Variants in ARFGEF3 observed in about 807,000 individuals in gnomAD.
The protein encoded by ARFGEF3 is ARFGEF family member 3.
ARFGEF3 carries 96 observed loss-of-function variants against 221.7 expected under a neutral mutation model. The ratio of observed to expected loss-of-function variants is 0.43; its 90% CI spans 0.37 to 0.51. ARFGEF3 has a LOEUF of 0.51. Among genes scored for constraint, ARFGEF3 ranks in the 20% least tolerant of loss-of-function variants. The pLI is 0.00. For missense variants in ARFGEF3, 2,410 were observed against 2,789.9 expected (o/e 0.86, Z 3.07); for synonymous variants, 1,145 against 1,126.8 (o/e 1.02, Z -0.32).
At chr6:138,246,535 A>G (rs1145973) in intron 8 of ARFGEF3, among the ~76,000 whole-genome samples, 149,427 of 152,342 alleles carry the variant, frequency 0.98, 73,296 homozygotes, top group East Asian at 1. Context: ...TTAAAGCTAA[A>G]CATGGAATTA....
intron 22 of ARFGEF3, among the ~76,000 whole-genome samples, chr6:138,302,561 A>T (rs563554105): frequency 2.0e-5 from 3 of 152,302 alleles, no homozygotes; most frequent in African/African-American, 7.2e-5. Flanking sequence ...CCCAATTAAG[A>T]TCAACACAAA....
intron 22 of ARFGEF3, among the ~76,000 whole-genome samples, chr6:138,303,367 A>G (rs907538221): frequency 6.6e-6 from 1 of 152,270 alleles, no homozygotes; most frequent in East Asian, 1.9e-4. Context: ...GAAAACATAT[A>G]GCAAATGCCA....
intron 5 of ARFGEF3, among the ~76,000 whole-genome samples, chr6:138,238,007 T>G (rs1449317512): frequency 2.6e-5 from 4 of 152,208 alleles, no homozygotes; most frequent in African/African-American, 9.6e-5. Context: ...CCATGCTACC[T>G]AGTAACACAG....
chr6:138,215,704 A>C (rs1384658506), intron 4 of ARFGEF3, among the ~76,000 whole-genome samples: 2 of 152,050 alleles, frequency 1.3e-5, no homozygotes, highest in Non-Finnish European at 2.9e-5. Flanking sequence ...GAGGGGTAAA[A>C]CTAGGAGTGG....
intron 2 of ARFGEF3, among the ~76,000 whole-genome samples, chr6:138,196,830 T>TTTTA (rs1448399378): frequency 1.3e-5 from 2 of 152,146 alleles, no homozygotes; most frequent in Non-Finnish European, 1.5e-5. Flanking sequence ...TTCTTTTTCT[T>TTTTA]TTTATTTATT....
At chr6:138,301,661 T>C (rs1184283270) in intron 22 of ARFGEF3, among the ~76,000 whole-genome samples, 1 of 152,190 alleles carries the variant, frequency 6.6e-6, no homozygotes, top group African/African-American at 2.4e-5. Context: ...CCTGGATGAC[T>C]GAAACATGGG....
At chr6:138,276,475 A>G (rs918406389) in intron 12 of ARFGEF3, among the ~76,000 whole-genome samples, 6 of 152,190 alleles carry the variant, frequency 3.9e-5, no homozygotes, top group African/African-American at 1.4e-4. Flanking sequence ...TCAAAATGAA[A>G]ACTTTAGTAA....
At position 138,291,897 on chromosome 6, in the gene ARFGEF3, G is replaced by C; in HGVS notation, c.3212G>C (p.Arg1071Pro). The change falls in exon 19 of 34, where the codon CGC becomes CCC. Residue 1071 changes from arginine (R) to proline (P), a missense_variant. Coordinates refer to ENST00000251691, the MANE Select transcript of ARFGEF3 (RefSeq NM_020340.5). This position sits in a 1 kb window ranked among gnomAD's most constrained non-coding sequence, Gnocchi z 4.5. Reference protein sequence around the residue: ...SPPEHSPEQGRSLSTAPVVQP... With the variant: ...SPPEHSPEQGPSLSTAPVVQP... ...CCCGAGCACAGCCCGGAGCAGGGGCGCTCCCTGAGCACGGCCCCTGTCGTC... is the reference window on the plus strand; with the variant it reads ...CCCGAGCACAGCCCGGAGCAGGGGCCCTCCCTGAGCACGGCCCCTGTCGTC... 1 of 1,489,482 alleles carries C rather than the reference G, an allele frequency of 6.7e-7. No homozygotes were observed. 92.3% of individuals were successfully genotyped at this position (1,489,482 alleles called of 1,614,324 possible). A position where few individuals can be genotyped will look rare whatever the true frequency, so the allele number is the denominator to read the frequency against.
chr6:138,272,688 G>C (rs191731067), intron 12 of ARFGEF3, among the ~76,000 whole-genome samples: 71 of 152,266 alleles, frequency 4.7e-4, no homozygotes, highest in African/African-American at 1.7e-3. Context: ...AATTAGAGCC[G>C]TAGACTTAAA....
chr6:138,198,259 C>T (rs1359652896), intron 2 of ARFGEF3, among the ~76,000 whole-genome samples: 2 of 152,124 alleles, frequency 1.3e-5, no homozygotes, highest in East Asian at 3.8e-4. Flanking sequence ...TGCTAAAAAA[C>T]CTTGAAAGCC....
At chr6:138,288,113 G>T (rs1779329285) in intron 17 of ARFGEF3, among the ~76,000 whole-genome samples, 1 of 152,226 alleles carries the variant, frequency 6.6e-6, no homozygotes, top group African/African-American at 2.4e-5. Context: ...GCCGGGCACA[G>T]TGGCTTACGC....
rs375250552 is a variant in ARFGEF3 at position 138,191,666 on chromosome 6, A to G, written c.138-15376A>G. On this transcript the variant is annotated intron_variant, in intron 2 of 33. Coordinates refer to ENST00000251691, the MANE Select transcript of ARFGEF3 (RefSeq NM_020340.5). ...TCCAGGTTAGTACGTCCAATTTGTT[A>G]TGTATTAGCACTTAGATGCCCAAAG... Among the ~76,000 whole-genome samples, 9 of 152,208 alleles carry G rather than the reference A, an allele frequency of 5.9e-5. No homozygotes were observed. The East Asian group carries it at 1.5e-3, about 26-fold the overall frequency.
At chr6:138,273,363 G>A (rs1779038289) in intron 12 of ARFGEF3, among the ~76,000 whole-genome samples, 2 of 152,204 alleles carry the variant, frequency 1.3e-5, no homozygotes, top group South Asian at 4.1e-4. Context: ...CTGGTAAGCA[G>A]TCAAGTAGGT....
intron 32 of ARFGEF3, among the ~76,000 whole-genome samples, chr6:138,329,582 T>G (rs953566001): frequency 6.6e-6 from 1 of 152,176 alleles, no homozygotes; most frequent in Admixed American, 6.5e-5. Context: ...GAGAATCGCT[T>G]GAACCCAGAA....
At chr6:138,298,534 A>T in intron 21 of ARFGEF3, 72 bp from the exon 22 acceptor site, 1 of 1,234,678 alleles carries the variant, frequency 8.1e-7, no homozygotes, top group Non-Finnish European at 1.1e-6. Flanking sequence ...GAGGTGGGGT[A>T]GGAAAGCCTT....
At chr6:138,294,264 A>T (rs1562382502) in intron 20 of ARFGEF3, 138 bp downstream of exon 20, 1 of 918,376 alleles carries the variant, frequency 1.1e-6, no homozygotes, top group Non-Finnish European at 1.6e-6. Context: ...CCAAGTATAG[A>T]TTTGTCTCCA....
intron 4 of ARFGEF3, among the ~76,000 whole-genome samples, chr6:138,229,491 G>A (rs770461510): frequency 3.3e-5 from 5 of 152,190 alleles, no homozygotes; most frequent in Non-Finnish European, 7.3e-5. Flanking sequence ...GGTTTTTGCT[G>A]TTACTGGACA....
At chr6:138,271,154 T>A (rs1778997049) in intron 12 of ARFGEF3, among the ~76,000 whole-genome samples, 1 of 151,964 alleles carries the variant, frequency 6.6e-6, no homozygotes, top group Non-Finnish European at 1.5e-5. Flanking sequence ...TCTAACAAAA[T>A]CCTCTACCAA....
intron 14 of ARFGEF3, among the ~76,000 whole-genome samples, chr6:138,281,642 A>T (rs1252027536): frequency 6.6e-6 from 1 of 152,188 alleles, no homozygotes; most frequent in African/African-American, 2.4e-5. Flanking sequence ...AAAGGACATG[A>T]TTTTGTTCTT....
Sources: gnomAD v4.1 joint callset for allele counts (sites outside exome capture counted in the v4.1 genomes callset) on GRCh38, gnomAD v4.1.1 for gene constraint, Gnocchi (gnomAD v3.1) non-coding constraint, MANE v1.5 for transcripts, NCBI Gene and HGNC (gene_info 2026-07-23, HGNC 2026-07-21) for gene names.